The following CADPS variants were observed in gnomAD, a reference collection of about 807,000 sequenced individuals.
CADPS encodes calcium dependent secretion activator.
In CADPS, 57 loss-of-function variants were observed where a neutral mutation model predicts 167.3. That is an observed-to-expected ratio of 0.34 (90% CI 0.28 to 0.42). CADPS has a LOEUF of 0.42. Ranked by LOEUF, CADPS falls within the 20% of genes least tolerant of loss-of-function variation. The pLI is 1.00. For synonymous variants in CADPS, 676 were observed against 635.3 expected (o/e 1.06, Z -0.96); for missense variants, 1,414 against 1,738.1 (o/e 0.81, Z 3.32).
At chr3:62,857,685 C>T (rs1415780365) in intron 1 of CADPS, among the ~76,000 whole-genome samples, 1 of 151,822 alleles carries the variant, frequency 6.6e-6, no homozygotes, top group Non-Finnish European at 1.5e-5. Flanking sequence ...TATATCCATG[C>T]AGATGTATAA....
At chr3:62,418,487 ATTTTTTTTTT>A (rs5849477) in intron 28 of CADPS, among the ~76,000 whole-genome samples, 1 of 88,862 alleles carries the variant, frequency 1.1e-5, no homozygotes, top group Admixed American at 1.3e-4. Flanking sequence ...ACCATGCCCT[ATTTTTTTTTT>A]TTTTTTTTTT....
intron 3 of CADPS, among the ~76,000 whole-genome samples, chr3:62,724,819 A>C (rs1400344879): frequency 1.3e-5 from 2 of 152,222 alleles, no homozygotes; most frequent in African/African-American, 4.8e-5. Context: ...AAATCTGATC[A>C]TACCTCTCCA....
chr3:62,704,760 A>G (rs2082027481), intron 3 of CADPS, among the ~76,000 whole-genome samples: 1 of 152,202 alleles, frequency 6.6e-6, no homozygotes, highest in African/African-American at 2.4e-5. Flanking sequence ...TTTATCAGGT[A>G]TGGAAGGATC....
intron 13 of CADPS, among the ~76,000 whole-genome samples, chr3:62,518,515 G>A (rs2069571471): frequency 6.6e-6 from 1 of 152,184 alleles, no homozygotes; most frequent in Admixed American, 6.5e-5. Flanking sequence ...GTTAAGTCCA[G>A]CCCCTGAACT....
At chr3:62,623,507 A>G (rs2063497976) in intron 6 of CADPS, among the ~76,000 whole-genome samples, 1 of 152,190 alleles carries the variant, frequency 6.6e-6, no homozygotes, top group Admixed American at 6.5e-5. Context: ...CAGGAAATAT[A>G]CTACACCGGA....
chr3:62,709,905 G>A (rs940754137), intron 3 of CADPS, among the ~76,000 whole-genome samples: 1 of 151,752 alleles, frequency 6.6e-6, no homozygotes, highest in African/African-American at 2.4e-5. Context: ...GAGTGGCTGG[G>A]ATTACAGGTG....
At position 62,717,402 on chromosome 3, in the gene CADPS, C is replaced by T. The variant is rs558375527; in HGVS notation, c.888+36039G>A. ...TGAGCTCCGTGTATATTTAATTGTC[C>T]ACTTAGATATCTAATCAAAATATCA... is the stretch of plus-strand genomic sequence containing the variant. On this transcript the variant is annotated intron_variant, in intron 3 of 29. Coordinates refer to ENST00000383710, the MANE Select transcript of CADPS (RefSeq NM_003716.4). 2.0e-5 allele frequency among the ~76,000 whole-genome samples: 3 copies of T among 152,274 alleles called. No homozygotes were observed. The East Asian group carries it at 5.8e-4, about 29-fold the overall frequency.
intron 1 of CADPS, among the ~76,000 whole-genome samples, chr3:62,792,618 C>T (rs905272377): frequency 6.6e-6 from 1 of 151,880 alleles, no homozygotes; most frequent in African/African-American, 2.4e-5. Flanking sequence ...TTTTTAGAGA[C>T]AAAGTCACAC....
At chr3:62,442,909 T>C (rs1398193384) in intron 27 of CADPS, among the ~76,000 whole-genome samples, 1 of 152,186 alleles carries the variant, frequency 6.6e-6, no homozygotes, top group Non-Finnish European at 1.5e-5. Context: ...ATATAAACAA[T>C]GTACATATAG....
At chr3:62,827,553 T>C in intron 1 of CADPS, among the ~76,000 whole-genome samples, 1 of 152,140 alleles carries the variant, frequency 6.6e-6, no homozygotes, top group East Asian at 1.9e-4. Context: ...GTCTCTAAAT[T>C]CATACTCCTA....
At position 62,446,071 on chromosome 3, in the gene CADPS, A is replaced by G. The variant is rs116056267; in HGVS notation, c.3637-274T>C. ...ATTTTCCTCCCTCCCTCTGAAAAAA[A>G]GTAAAGTGACTAGCTAAACCCACAT... On this transcript the variant is annotated intron_variant, in intron 26 of 29. Coordinates refer to ENST00000383710, the MANE Select transcript of CADPS (RefSeq NM_003716.4). The surrounding 1 kb of genome is among the most constrained non-coding windows in gnomAD (Gnocchi z 4.9). 7.9e-3 allele frequency among the ~76,000 whole-genome samples: 1,201 copies of G among 152,316 alleles called. 15 individuals are homozygous for G. The highest frequency in any genetic ancestry group is 0.027 in the African/African-American group (1,143 of 41,568).
At chr3:62,640,543 C>T (rs908926605) in intron 6 of CADPS, among the ~76,000 whole-genome samples, 3 of 152,054 alleles carry the variant, frequency 2.0e-5, no homozygotes, top group Non-Finnish European at 4.4e-5. Context: ...ACCCTAGGGC[C>T]GTGGCAAGAT....
intron 3 of CADPS, among the ~76,000 whole-genome samples, chr3:62,725,576 A>T (rs1266042197): frequency 6.7e-6 from 1 of 149,494 alleles, no homozygotes; most frequent in East Asian, 1.9e-4. Context: ...TGATAATAGC[A>T]CCCACCTCAT....
At chr3:62,520,015 A>T (rs2070068429) in intron 13 of CADPS, among the ~76,000 whole-genome samples, 1 of 152,186 alleles carries the variant, frequency 6.6e-6, no homozygotes, top group Non-Finnish European at 1.5e-5. Flanking sequence ...GCATGCACAC[A>T]CTCAACTGGG....
intron 1 of CADPS, among the ~76,000 whole-genome samples, chr3:62,775,033 T>TTTTTG (rs1203007459): frequency 6.6e-6 from 1 of 151,920 alleles, no homozygotes; most frequent in Non-Finnish European, 1.5e-5. Flanking sequence ...TTTTTTTTAA[T>TTTTTG]TTTTGTTTTG....
chr3:62,531,455 C>T (rs1344016019), intron 13 of CADPS, among the ~76,000 whole-genome samples: 2 of 152,070 alleles, frequency 1.3e-5, no homozygotes, highest in Admixed American at 6.6e-5. Flanking sequence ...ACCTATGATG[C>T]TATTGTTATC....
chr3:62,832,905 G>A lies in CADPS; in HGVS notation c.441+41684C>T, dbSNP rs2075326489. Reference sequence around the variant, plus strand: ...GCTACAGATTTGGCTCCGCTTGGATGGAATGAAGAACCCCTCCACTCCTTT... The same window carrying A: ...GCTACAGATTTGGCTCCGCTTGGATAGAATGAAGAACCCCTCCACTCCTTT... On this transcript the variant is annotated intron_variant, in intron 1 of 29. Coordinates refer to ENST00000383710, the MANE Select transcript of CADPS (RefSeq NM_003716.4). Among the ~76,000 whole-genome samples, 9 of 152,144 alleles carry A rather than the reference G, an allele frequency of 5.9e-5. 1 individual carries two copies. Among genetic ancestry groups the A allele is most frequent in the Admixed American group, 5.9e-4 (9 of 15,280 alleles).
intron 3 of CADPS, among the ~76,000 whole-genome samples, chr3:62,750,902 G>T (rs746855063): frequency 2.0e-5 from 3 of 152,154 alleles, no homozygotes; most frequent in Non-Finnish European, 4.4e-5. Flanking sequence ...ATCCTATACT[G>T]CTGGGAATTA....
intron 22 of CADPS, among the ~76,000 whole-genome samples, chr3:62,481,153 A>G (rs1291740312): frequency 6.6e-6 from 1 of 152,176 alleles, no homozygotes; most frequent in African/African-American, 2.4e-5. Context: ...TACATAATAT[A>G]TTTTTTTACA....
Sources: allele counts gnomAD v4.1 joint callset (sites outside exome capture counted in the v4.1 genomes callset), GRCh38; gene constraint gnomAD v4.1.1; non-coding constraint Gnocchi (gnomAD v3.1); transcripts MANE v1.5; gene names NCBI Gene and HGNC (gene_info 2026-07-23, HGNC 2026-07-21).